NRG1: variants seen among roughly 807,000 people sequenced by gnomAD.
The protein encoded by NRG1 is neuregulin 1.
In NRG1, 18 loss-of-function variants were observed where a neutral mutation model predicts 63.8. That is an observed-to-expected ratio of 0.28 (90% CI 0.19 to 0.42). NRG1 has a LOEUF of 0.42. NRG1 is among the 10% of genes least tolerant of loss of function. The probability of loss-of-function intolerance (pLI) is 1.00; values close to 1 mark genes in which losing one functional copy is unlikely to be tolerated. For synonymous variants in NRG1, 302 were observed against 301.3 expected (o/e 1.00, Z -0.02); for missense variants, 762 against 814.7 (o/e 0.94, Z 0.79).
chr8:32,379,082 C>CT (rs11377848), intron 1 of NRG1, among the ~76,000 whole-genome samples: 126,714 of 151,788 alleles, frequency 0.83, 53,428 homozygotes, highest in Non-Finnish European at 0.87. Flanking sequence ...ATAAACATAT[C>CT]TTTTTTTAAA....
chr8:32,684,461 C>T (rs376098731), intron 5 of NRG1, among the ~76,000 whole-genome samples: 17 of 152,086 alleles, frequency 1.1e-4, no homozygotes, highest in South Asian at 1.0e-3. Context: ...TTTACCTGTT[C>T]GTTTGTACTG....
chr8:32,031,115 G>A (rs1263512015), intron 1 of NRG1, among the ~76,000 whole-genome samples: 2 of 152,128 alleles, frequency 1.3e-5, no homozygotes, highest in Non-Finnish European at 2.9e-5. Flanking sequence ...AGGTGGTGCC[G>A]TGGTCTGTTT....
intron 1 of NRG1, among the ~76,000 whole-genome samples, chr8:32,474,485 G>A (rs1392214794): frequency 8.3e-6 from 1 of 120,760 alleles, no homozygotes. Context: ...ACTGCTCTCA[G>A]TGATATTCCC....
chr8:32,399,641 TA>T (rs1812914088), intron 1 of NRG1, among the ~76,000 whole-genome samples: 1 of 152,126 alleles, frequency 6.6e-6, no homozygotes, highest in African/African-American at 2.4e-5. Context: ...AGGGCAAAGG[TA>T]TTAGTCAGCA....
At chr8:32,572,582 C>A (rs1484936317) in intron 1 of NRG1, among the ~76,000 whole-genome samples, 1 of 152,094 alleles carries the variant, frequency 6.6e-6, no homozygotes, top group African/African-American at 2.4e-5. Flanking sequence ...AGCTAAAAAT[C>A]ATTGATAGTT....
At chr8:32,202,299 A>G (rs59789400) in intron 1 of NRG1, among the ~76,000 whole-genome samples, 417 of 152,058 alleles carry the variant, frequency 2.7e-3, no homozygotes, top group African/African-American at 9.5e-3. Flanking sequence ...GAGTTCCCTG[A>G]CTCCCTTCAC....
intron 3 of NRG1, among the ~76,000 whole-genome samples, chr8:32,613,849 G>A (rs1017976189): frequency 5.9e-5 from 9 of 151,958 alleles, no homozygotes; most frequent in Non-Finnish European, 1.2e-4. Context: ...CCATCATAAA[G>A]GCAGTAAGAA....
intron 5 of NRG1, among the ~76,000 whole-genome samples, chr8:32,727,708 C>T (rs1031004433): frequency 6.6e-6 from 1 of 152,110 alleles, no homozygotes; most frequent in Non-Finnish European, 1.5e-5. Flanking sequence ...AATGTTGAGC[C>T]TCTTTTCCTA....
intron 5 of NRG1, among the ~76,000 whole-genome samples, chr8:32,623,442 C>T (rs953180727): frequency 1.3e-5 from 2 of 152,202 alleles, no homozygotes; most frequent in African/African-American, 4.8e-5. Context: ...TAATTGAATG[C>T]AAATTGTGTT....
intron 1 of NRG1, among the ~76,000 whole-genome samples, chr8:32,475,200 C>T (rs1036025973): frequency 1.3e-5 from 2 of 152,072 alleles, no homozygotes; most frequent in Non-Finnish European, 2.9e-5. Flanking sequence ...GGCACGCTGG[C>T]TCACGCCTGT....
intron 5 of NRG1, among the ~76,000 whole-genome samples, chr8:32,706,211 C>T (rs1358184952): frequency 1.3e-5 from 2 of 152,158 alleles, no homozygotes; most frequent in Non-Finnish European, 1.5e-5. Context: ...CTGTGACTGT[C>T]GTGGAGAAGC....
At position 31,653,826 on chromosome 8, in the gene NRG1, C is replaced by T. The variant is rs1254890573; in HGVS notation, c.37+14395C>T. The stretch of plus-strand genomic sequence containing the variant: ...AATGCAGAGGGTCAGGCCACATTCA[C>T]TCTGTCTCTCCCTGGCATGTTAGGT... On this transcript the variant is annotated intron_variant, in intron 1 of 10. Coordinates refer to the NRG1 transcript ENST00000519301. 2.6e-5 allele frequency among the ~76,000 whole-genome samples: 4 copies of T among 152,210 alleles called. No individual in the cohort carries two copies. In the South Asian group the frequency reaches 8.3e-4, roughly 31 times the overall value.
intron 1 of NRG1, among the ~76,000 whole-genome samples, chr8:32,577,780 ATCTC>A (rs983604320): frequency 3.2e-4 from 48 of 151,744 alleles, no homozygotes; most frequent in African/African-American, 1.1e-3. Context: ...TTCTTTATCC[ATCTC>A]TCTCTTTTTT....
rs149774646 is a variant in NRG1 at position 31,965,588 on chromosome 8, G to A, written c.37+326157G>A. On this transcript the variant is annotated intron_variant, in intron 1 of 10. Coordinates refer to the NRG1 transcript ENST00000519301. The stretch of plus-strand genomic sequence containing the variant: ...AAATACCCAGTAGTGGTATTGCTAG[G>A]TCAATGGTAGCTCTATTTTTAGTTC... Among the ~76,000 whole-genome samples the A allele has an allele frequency of 4.5e-3, 691 of 152,212 alleles. 2 individuals carry two copies. The highest frequency in any genetic ancestry group is 0.024 in the Middle Eastern group (7 of 294).
At chr8:32,301,323 A>G (rs1855541712) in intron 1 of NRG1, among the ~76,000 whole-genome samples, 1 of 152,208 alleles carries the variant, frequency 6.6e-6, no homozygotes, top group African/African-American at 2.4e-5. Context: ...TTACATTAAA[A>G]GTTATATGTT....
In NRG1 at chr8:32,759,358, C is replaced by CAG; in HGVS notation, c.978_979dup (p.Thr327ArgfsTer42). On this transcript the variant is annotated frameshift_variant, in exon 10 of 12. Transcript: ENST00000356819. LOFTEE classifies it high-confidence loss of function. ...AGTGAGCATATTGTTGAGAGAGAAG[C>CAG]AGAGACATCCTTTTCCACCAGTCAC... 6.2e-7 allele frequency: 1 copy of CAG among 1,613,920 alleles called. No homozygotes were observed. The highest frequency in any genetic ancestry group is 1.3e-5 in the African/African-American group (1 of 75,040).
At chr8:31,681,115 G>A (rs747452791) in intron 1 of NRG1, among the ~76,000 whole-genome samples, 1 of 151,854 alleles carries the variant, frequency 6.6e-6, no homozygotes, top group Admixed American at 6.6e-5. Context: ...GGTTAACTAA[G>A]TGGAGAAAAA....
chr8:32,633,577 A>T (rs1472542554), intron 5 of NRG1, among the ~76,000 whole-genome samples: 1 of 152,228 alleles, frequency 6.6e-6, no homozygotes, highest in Non-Finnish European at 1.5e-5. Flanking sequence ...AGGCTCATTA[A>T]AAAAGAATGA....
At chr8:32,505,107 G>GT (rs796093590) in intron 1 of NRG1, among the ~76,000 whole-genome samples, 1 of 152,100 alleles carries the variant, frequency 6.6e-6, no homozygotes, top group Non-Finnish European at 1.5e-5. Flanking sequence ...GGGTTGCTGC[G>GT]TATCATTGTT....
Sources: allele counts gnomAD v4.1 joint callset (sites outside exome capture counted in the v4.1 genomes callset), GRCh38; gene constraint gnomAD v4.1.1; transcripts MANE v1.5; gene names NCBI Gene and HGNC (gene_info 2026-07-23, HGNC 2026-07-21).